The following SMYD3 variants were observed in gnomAD, a reference collection of about 807,000 sequenced individuals.
SMYD3 encodes SET and MYND domain containing 3.
In SMYD3, 36 loss-of-function variants were observed where a neutral mutation model predicts 57.7. That is an observed-to-expected ratio of 0.62 (90% CI 0.48 to 0.82). SMYD3 has a LOEUF of 0.82. SMYD3 is among the 40% of genes least tolerant of loss of function. The pLI, the probability that SMYD3 is intolerant of heterozygous loss-of-function variation, is 0.00. For synonymous variants in SMYD3, 211 were observed against 195.0 expected (o/e 1.08, Z -0.68); for missense variants, 515 against 538.8 (o/e 0.96, Z 0.44).
At chr1:245,857,101 A>G (rs1166916366) in intron 10 of SMYD3, among the ~76,000 whole-genome samples, 1 of 152,144 alleles carries the variant, frequency 6.6e-6, no homozygotes, top group Non-Finnish European at 1.5e-5. Flanking sequence ...CCTCAAGCCA[A>G]TCCCTCATAC....
intron 5 of SMYD3, among the ~76,000 whole-genome samples, chr1:246,253,087 T>C (rs2063821764): frequency 1.3e-5 from 2 of 152,180 alleles, no homozygotes; most frequent in South Asian, 2.1e-4. Context: ...AAACTGATAG[T>C]TTGAATTTAA....
At chr1:245,873,937 G>A (rs770954025) in intron 8 of SMYD3, among the ~76,000 whole-genome samples, 10 of 152,178 alleles carry the variant, frequency 6.6e-5, no homozygotes, top group Non-Finnish European at 1.2e-4. Flanking sequence ...GCCCAGGTGA[G>A]AACTACATTA....
intron 1 of SMYD3, among the ~76,000 whole-genome samples, chr1:246,440,724 A>T (rs906229589): frequency 7.9e-5 from 12 of 152,306 alleles, no homozygotes; most frequent in Admixed American, 4.6e-4. Context: ...AGGAGTAGCA[A>T]AGGGTAATTA....
intron 5 of SMYD3, among the ~76,000 whole-genome samples, chr1:246,212,604 T>C (rs919200630): frequency 1.3e-5 from 2 of 152,120 alleles, no homozygotes; most frequent in Non-Finnish European, 2.9e-5. Context: ...TCCCAACAAA[T>C]AAAATCTATC....
chr1:246,257,026 G>C (rs2063907436), intron 5 of SMYD3, among the ~76,000 whole-genome samples: 2 of 152,136 alleles, frequency 1.3e-5, no homozygotes, highest in Non-Finnish European at 2.9e-5. Flanking sequence ...CTTAGAATAT[G>C]GTTGCTATGA....
At chr1:246,102,673 T>G (rs906236322) in intron 5 of SMYD3, among the ~76,000 whole-genome samples, 1 of 151,676 alleles carries the variant, frequency 6.6e-6, no homozygotes, top group Admixed American at 6.6e-5. Context: ...TTTGGGAGGC[T>G]GAGGCAGGAG....
In SMYD3 at chr1:246,172,239, C is replaced by T. The variant is rs867766531; in HGVS notation, c.531+154962G>A. On this transcript the variant is annotated intron_variant, in intron 5 of 11. Coordinates refer to ENST00000490107, the MANE Select transcript of SMYD3 (RefSeq NM_001167740.2). ...TCTCTACTGTAGACTTTATCAACAC[C>T]ACACACTTAGGCTACACAGGCCTAG... Among the ~76,000 whole-genome samples, 634 of 118,016 alleles carry T rather than the reference C, an allele frequency of 5.4e-3. 6 individuals carry two copies. Among genetic ancestry groups the T allele is most frequent in the African/African-American group, 0.018 (555 of 31,054 alleles). 77.4% of individuals were successfully genotyped at this position (118,016 alleles called of 152,430 possible).
At chr1:245,770,923 T>A (rs975860226) in intron 10 of SMYD3, among the ~76,000 whole-genome samples, 12 of 152,048 alleles carry the variant, frequency 7.9e-5, no homozygotes, top group Admixed American at 4.6e-4. Context: ...GTAGGTCAAA[T>A]GAACATATCC....
chr1:246,366,572 TA>T (rs71563785), intron 1 of SMYD3, among the ~76,000 whole-genome samples: 537 of 139,298 alleles, frequency 3.9e-3, no homozygotes, highest in Admixed American at 4.4e-3. Context: ...CTTTTTCTCT[TA>T]AAAAAAAAAA....
At chr1:245,832,268 TG>T (rs2049880130) in intron 10 of SMYD3, among the ~76,000 whole-genome samples, 6 of 152,218 alleles carry the variant, frequency 3.9e-5, no homozygotes, top group Admixed American at 3.9e-4. Context: ...TGAAATTTAA[TG>T]GCTGCAACCC....
chr1:245,807,115 G>A (rs919731383), intron 10 of SMYD3, among the ~76,000 whole-genome samples: 4 of 151,908 alleles, frequency 2.6e-5, no homozygotes, highest in Admixed American at 2.6e-4. Flanking sequence ...AGGCTGCATG[G>A]TGCAACTGGG....
intron 5 of SMYD3, among the ~76,000 whole-genome samples, chr1:246,138,592 A>AT (rs1338112760): frequency 1.6e-5 from 2 of 127,760 alleles, no homozygotes; most frequent in Non-Finnish European, 3.7e-5. Context: ...CGCCCGGCTA[A>AT]TTTTTTGTAT....
chr1:246,094,181 T>C (rs2060874014), intron 5 of SMYD3, among the ~76,000 whole-genome samples: 1 of 152,134 alleles, frequency 6.6e-6, no homozygotes, highest in East Asian at 1.9e-4. Flanking sequence ...ATTCATGTTA[T>C]TTCTAATCAA....
At chr1:246,166,735 T>C (rs561475566) in intron 5 of SMYD3, among the ~76,000 whole-genome samples, 1 of 152,242 alleles carries the variant, frequency 6.6e-6, no homozygotes, top group Non-Finnish European at 1.5e-5. Flanking sequence ...TGCAACTGAC[T>C]GTAATACCTG....
At chr1:246,031,707 AG>A (rs2059679310) in intron 5 of SMYD3, among the ~76,000 whole-genome samples, 1 of 149,970 alleles carries the variant, frequency 6.7e-6, no homozygotes. Flanking sequence ...ACTGCACTCC[AG>A]CCTGGGCGAC....
At position 245,929,864 on chromosome 1, in the gene SMYD3, C is replaced by T; in HGVS notation, c.599+6G>A. On this transcript the variant is annotated splice_donor_region_variant and intron_variant, in intron 6 of 11. Coordinates refer to ENST00000490107, the MANE Select transcript of SMYD3 (RefSeq NM_001167740.2). ...CTTCCAGTACATGAAGTACCATACA[C>T]CATACCTGGGATATAGGCCAACACC... is the stretch of plus-strand genomic sequence containing the variant. The T allele has an allele frequency of 1.2e-6, 2 of 1,609,474 alleles. No individual in the cohort carries two copies.
intron 1 of SMYD3, among the ~76,000 whole-genome samples, chr1:246,362,707 C>T (rs1397693898): frequency 6.6e-6 from 1 of 152,270 alleles, no homozygotes; most frequent in African/African-American, 2.4e-5. Context: ...GAGTGATCCG[C>T]CAGCCTCGGC....
At chr1:246,278,860 T>C (rs1364808401) in intron 5 of SMYD3, among the ~76,000 whole-genome samples, 1 of 152,190 alleles carries the variant, frequency 6.6e-6, no homozygotes, top group East Asian at 1.9e-4. Context: ...GATACCTAAA[T>C]GGTTAAAAAG....
At chr1:246,299,347 T>C (rs992551782) in intron 5 of SMYD3, among the ~76,000 whole-genome samples, 1 of 152,040 alleles carries the variant, frequency 6.6e-6, no homozygotes, top group African/African-American at 2.4e-5. Context: ...AAAAATAACA[T>C]GTTGGTGAGG....
Sources: allele counts gnomAD v4.1 joint callset (sites outside exome capture counted in the v4.1 genomes callset), GRCh38; gene constraint gnomAD v4.1.1; transcripts MANE v1.5; gene names NCBI Gene and HGNC (gene_info 2026-07-23, HGNC 2026-07-21).